The following SLC26A9 variants were observed in gnomAD, a reference collection of about 807,000 sequenced individuals.
SLC26A9 encodes anion transporter/exchanger protein 9.
A neutral mutation model predicts 87.1 loss-of-function variants in SLC26A9; 46 were observed. The ratio of observed to expected loss-of-function variants is 0.53; its 90% CI spans 0.42 to 0.67. The LOEUF is 0.67. Ranked by LOEUF, SLC26A9 falls within the 30% of genes least tolerant of loss-of-function variation. SLC26A9 has a pLI of 0.00. For missense variants in SLC26A9, 927 were observed against 1,018.3 expected, an observed-to-expected ratio of 0.91 and a Z score of 1.22; for synonymous variants, 437 against 409.1, an observed-to-expected ratio of 1.07 and a Z score of -0.82.
chr1:205,925,875 A>G (rs779121732), intron 12 of SLC26A9, among the ~76,000 whole-genome samples: 3 of 152,232 alleles, frequency 2.0e-5, no homozygotes, highest in East Asian at 1.9e-4. Flanking sequence ...CTTCATTACT[A>G]TGCCCAGCGG....
intron 17 of SLC26A9, 137 bp downstream of exon 17, chr1:205,921,429 G>A: frequency 8.7e-7 from 1 of 1,148,398 alleles, no homozygotes; most frequent in East Asian, 2.6e-5. Flanking sequence ...GGAAAGGAGG[G>A]ATTCCTAGGA....
intron 2 of SLC26A9, among the ~76,000 whole-genome samples, chr1:205,934,931 C>T (rs533642409): frequency 6.6e-6 from 1 of 152,344 alleles, no homozygotes; most frequent in South Asian, 2.1e-4. Flanking sequence ...CCACTTCAGC[C>T]ATTGCCAGTG....
chr1:205,927,719 G>A, intron 9 of SLC26A9, 114 bp from the exon 10 acceptor site: 1 of 1,367,990 alleles, frequency 7.3e-7, no homozygotes, highest in Non-Finnish European at 1.0e-6. Context: ...TGACCCAGTG[G>A]CTATAAAGTC....
chr1:205,936,476 C>T (rs75463698), intron 1 of SLC26A9, among the ~76,000 whole-genome samples: 9 of 152,164 alleles, frequency 5.9e-5, no homozygotes, highest in Admixed American at 5.9e-4. Flanking sequence ...ATCTTTCCCC[C>T]ACCCTTGTGT....
At chr1:205,917,710 G>T (rs1658654101) in intron 19 of SLC26A9, among the ~76,000 whole-genome samples, 1 of 152,120 alleles carries the variant, frequency 6.6e-6, no homozygotes, top group South Asian at 2.1e-4. Flanking sequence ...GCCTCACTTT[G>T]CCTGCTTTGT....
At chr1:205,920,523 T>G (rs1658784106) in intron 17 of SLC26A9, among the ~76,000 whole-genome samples, 1 of 152,132 alleles carries the variant, frequency 6.6e-6, no homozygotes, top group South Asian at 2.1e-4. Flanking sequence ...TCTTTTGAGA[T>G]GGAGTTTCAC....
At chr1:205,931,047 C>T (rs991480565) in intron 5 of SLC26A9, among the ~76,000 whole-genome samples, 9 of 152,162 alleles carry the variant, frequency 5.9e-5, no homozygotes, top group Admixed American at 1.3e-4. Flanking sequence ...GGCACAAAAC[C>T]GAATGAATGA....
intron 2 of SLC26A9, among the ~76,000 whole-genome samples, chr1:205,933,782 C>T (rs1659403219): frequency 6.6e-6 from 1 of 152,176 alleles, no homozygotes; most frequent in Non-Finnish European, 1.5e-5. Flanking sequence ...GTTCTTTCTC[C>T]TGTTAATTCA....
chr1:205,920,483 T>A (rs1658780212), intron 17 of SLC26A9, among the ~76,000 whole-genome samples: 2 of 152,140 alleles, frequency 1.3e-5, no homozygotes, highest in Admixed American at 1.3e-4. Flanking sequence ...CATGGCCCCT[T>A]CTTGTGGGGC....
intron 2 of SLC26A9, among the ~76,000 whole-genome samples, chr1:205,934,668 G>T (rs2102598817): frequency 6.6e-6 from 1 of 152,348 alleles, no homozygotes; most frequent in East Asian, 1.9e-4. Flanking sequence ...TTGTTAGTTT[G>T]CTATATCCCT....
At position 205,915,247 on chromosome 1, in the gene SLC26A9, T is replaced by C. The variant is rs1448374512; in HGVS notation, c.*110A>G. 1.3e-6 allele frequency: 2 copies of C among 1,599,822 alleles called. No individual in the cohort carries two copies. The highest frequency in any genetic ancestry group is 1.7e-6 in the Non-Finnish European group (2 of 1,171,876). ...GGAGAGGAGAGAGGAACCCAAGCTCTGGGGGATGCACTTTCCTCCGCCCGA... is the reference window on the plus strand; with the variant it reads ...GGAGAGGAGAGAGGAACCCAAGCTCCGGGGGATGCACTTTCCTCCGCCCGA... On this transcript the variant is annotated 3_prime_UTR_variant, in exon 21 of 21. Transcript: ENST00000367135.
At chr1:205,943,168 C>T (rs527981621) in intron 1 of SLC26A9, among the ~76,000 whole-genome samples, 197 bp downstream of exon 1, 7 of 152,322 alleles carry the variant, frequency 4.6e-5, no homozygotes, top group South Asian at 2.1e-4. Flanking sequence ...CTTACATAGA[C>T]GTGAAGACCC....
chr1:205,920,999 A>G (rs1658803076), intron 17 of SLC26A9, among the ~76,000 whole-genome samples: 1 of 152,228 alleles, frequency 6.6e-6, no homozygotes, highest in Non-Finnish European at 1.5e-5. Flanking sequence ...GGCAGTCCGA[A>G]CACTCTCTGT....
At chr1:205,915,962 T>C (rs1432389136) in intron 20 of SLC26A9, among the ~76,000 whole-genome samples, 2 of 152,152 alleles carry the variant, frequency 1.3e-5, no homozygotes, top group Non-Finnish European at 2.9e-5. Context: ...AGAGAGACAC[T>C]ACTTCTCATA....
chr1:205,918,166 G>T (rs1171703531), intron 19 of SLC26A9, among the ~76,000 whole-genome samples: 1 of 152,198 alleles, frequency 6.6e-6, no homozygotes, highest in Non-Finnish European at 1.5e-5. Flanking sequence ...GGCACAACAA[G>T]AGTCTTGGGA....
At chr1:205,939,392 G>A (rs1288162026) in intron 1 of SLC26A9, among the ~76,000 whole-genome samples, 1 of 152,132 alleles carries the variant, frequency 6.6e-6, no homozygotes, top group African/African-American at 2.4e-5. Context: ...CAGGACCTCT[G>A]GGTTCTGTTA....
intron 1 of SLC26A9, among the ~76,000 whole-genome samples, chr1:205,939,792 G>A (rs950568950): frequency 1.1e-4 from 17 of 152,214 alleles, no homozygotes; most frequent in African/African-American, 4.1e-4. Flanking sequence ...AAGAGAGCCA[G>A]GTATAGGGAA....
At chr1:205,919,076 G>A (rs1658714991) in intron 18 of SLC26A9, 91 bp from the exon 19 acceptor site, 1 of 1,525,080 alleles carries the variant, frequency 6.6e-7, no homozygotes, top group South Asian at 1.2e-5. Context: ...GAGCAGGGAT[G>A]GGAGAGGCCT....
chr1:205,922,157 G>A (rs375071259), intron 16 of SLC26A9, among the ~76,000 whole-genome samples: 5 of 152,310 alleles, frequency 3.3e-5, no homozygotes, highest in South Asian at 4.1e-4. Context: ...TATTTCTTGA[G>A]ACAGAGTCTC....
Sources: gnomAD v4.1 joint callset for allele counts (sites outside exome capture counted in the v4.1 genomes callset) on GRCh38, gnomAD v4.1.1 for gene constraint, MANE v1.5 for transcripts, NCBI Gene and HGNC (gene_info 2026-07-23, HGNC 2026-07-21) for gene names.